The following NENF variants were observed in gnomAD, a reference collection of about 807,000 sequenced individuals.
NENF encodes the protein neudesin neurotrophic factor, also known as neudesin.
NENF carries 6 observed loss-of-function variants against 14.8 expected under a neutral mutation model. The ratio of observed to expected loss-of-function variants is 0.40; its 90% CI spans 0.22 to 0.80. NENF has a LOEUF of 0.80. NENF is among the 30% of genes least tolerant of loss of function. NENF has a pLI of 0.34. For missense variants in NENF, 184 were observed against 212.7 expected (o/e 0.87, Z 0.84); for synonymous variants, 76 against 95.1 (o/e 0.80, Z 1.17).
intron 2 of NENF, among the ~76,000 whole-genome samples, chr1:212,443,524 C>G (rs990338012): frequency 1.3e-5 from 2 of 151,978 alleles, no homozygotes; most frequent in African/African-American, 2.4e-5. Flanking sequence ...TCCTGAGTAA[C>G]TGGAATTACA....
intron 1 of NENF, among the ~76,000 whole-genome samples, chr1:212,436,123 C>T (rs1049490343): frequency 6.6e-6 from 1 of 151,928 alleles, no homozygotes; most frequent in East Asian, 1.9e-4. Context: ...ATAAGTGGAC[C>T]CATGCAGTTC....
intron 2 of NENF, 141 bp from the exon 3 acceptor site, chr1:212,444,198 A>G: frequency 2.2e-6 from 1 of 461,678 alleles, no homozygotes; most frequent in South Asian, 5.4e-5. Flanking sequence ...TGGACTTTGT[A>G]TCGCCATTGT....
intron 3 of NENF, 76 bp downstream of exon 3, chr1:212,444,518 CGTGTGTGTGTGTGTGTGTGTGTGT>C (rs57220444): frequency 7.4e-5 from 37 of 497,504 alleles, no homozygotes; most frequent in South Asian, 1.2e-4. Flanking sequence ...TTTTTCTTTT[CGTGTGTGTGTGTGTGTGTGTGTGT>C]GTGTGTGTGT....
chr1:212,444,979 G>A (rs963680735), intron 3 of NENF, among the ~76,000 whole-genome samples: 1 of 152,132 alleles, frequency 6.6e-6, no homozygotes, highest in African/African-American at 2.4e-5. Flanking sequence ...TTTAGGCCAG[G>A]AGTGGTGGAT....
chr1:212,433,094 G>A lies in NENF; in HGVS notation c.151G>A (p.Glu51Lys). 1 of 1,197,746 alleles carries A rather than the reference G, an allele frequency of 8.3e-7. No individual in the cohort carries two copies. The highest frequency in any genetic ancestry group is 1.0e-6 in the Non-Finnish European group (1 of 965,476). The allele number at this position is 1,197,746 out of a possible 1,614,324, so 74.2% of individuals were successfully genotyped here. ...GPPVRLFTEE[E>K]LARYGGEEED... ...CCCAGTGCGGCTTTTCACCGAGGAG[G>A]AGCTGGCCCGCTATGGCGGGGAGGA... Residue 51 changes from glutamate (E) to lysine (K), a missense_variant, in exon 1 of 4, where the codon GAG (glutamate) becomes AAG (lysine). By Grantham distance (56) the Glu-to-Lys change is moderately conservative. Transcript: ENST00000366988. The surrounding 1 kb of genome is among the most constrained non-coding windows in gnomAD (Gnocchi z 5.5).
chr1:212,442,944 T>A (rs756744967), intron 2 of NENF, among the ~76,000 whole-genome samples: 20 of 152,098 alleles, frequency 1.3e-4, no homozygotes, highest in Non-Finnish European at 2.8e-4. Flanking sequence ...GGTTTCACCA[T>A]CTTGGCAAGG....
intron 1 of NENF, among the ~76,000 whole-genome samples, chr1:212,437,843 G>A (rs1662633174): frequency 6.6e-6 from 1 of 152,152 alleles, no homozygotes; most frequent in Admixed American, 6.5e-5. Flanking sequence ...GTATACATTA[G>A]TCCTCTTCGA....
At position 212,446,142 on chromosome 1, in the gene NENF, C is replaced by T. The variant is rs1294949196; in HGVS notation, c.*136C>T. 1.2e-6 allele frequency: 1 copy of T among 809,364 alleles called. No homozygotes were observed. Among genetic ancestry groups the T allele is most frequent in the African/African-American group, 1.7e-5 (1 of 57,724 alleles). 50.1% of individuals were successfully genotyped at this position (809,364 alleles called of 1,614,324 possible). A position where few individuals can be genotyped will look rare whatever the true frequency, so the allele number is the denominator to read the frequency against. ...AAAACAGATGCTTACCCTGGAAGAG[C>T]AAATGCCTCCTGTTGTCCTTGGTCA... On this transcript the variant is annotated 3_prime_UTR_variant, in exon 4 of 4. Transcript: ENST00000366988.
At chr1:212,434,433 G>A (rs1488283811) in intron 1 of NENF, among the ~76,000 whole-genome samples, 1 of 152,198 alleles carries the variant, frequency 6.6e-6, no homozygotes, top group Non-Finnish European at 1.5e-5. Context: ...ATTGAACACT[G>A]TATATGCTAG....
rs1367948719 is a variant in NENF at position 212,433,286 on chromosome 1, G to A, written c.177+166G>A. Reference sequence around the variant, plus strand: ...GGCCTCCTCTCTCTAGGCCCCGAAGGATGGCCGAGGGGTGAGGACGAGTCC... The same window carrying A: ...GGCCTCCTCTCTCTAGGCCCCGAAGAATGGCCGAGGGGTGAGGACGAGTCC... On this transcript the variant is annotated intron_variant, in intron 1 of 3. Coordinates refer to ENST00000366988, the MANE Select transcript of NENF (RefSeq NM_013349.5). This position sits in a 1 kb window ranked among gnomAD's most constrained non-coding sequence, Gnocchi z 5.5. 6.6e-6 allele frequency among the ~76,000 whole-genome samples: 1 copy of A among 151,992 alleles called. No individual in the cohort carries two copies. Among genetic ancestry groups the A allele is most frequent in the Non-Finnish European group, 1.5e-5 (1 of 67,938 alleles).
intron 1 of NENF, among the ~76,000 whole-genome samples, chr1:212,439,856 T>TCC (rs1006593334): frequency 6.7e-6 from 1 of 148,586 alleles, no homozygotes; most frequent in Non-Finnish European, 1.5e-5. Flanking sequence ...CTAGACTCCG[T>TCC]CCCCCCCCCA....
chr1:212,435,424 C>G (rs1274469550), intron 1 of NENF, among the ~76,000 whole-genome samples: 2 of 152,052 alleles, frequency 1.3e-5, no homozygotes, highest in African/African-American at 4.8e-5. Context: ...TCATGGTGCA[C>G]TAGAGCCTGG....
At chr1:212,436,781 T>A (rs1186076212) in intron 1 of NENF, among the ~76,000 whole-genome samples, 2 of 152,082 alleles carry the variant, frequency 1.3e-5, no homozygotes, top group Non-Finnish European at 2.9e-5. Context: ...TCACAATGGT[T>A]ATAATAAGAG....
intron 3 of NENF, 63 bp from the exon 4 acceptor site, chr1:212,445,767 G>T: frequency 1.3e-6 from 2 of 1,553,908 alleles, no homozygotes; most frequent in Non-Finnish European, 1.8e-6. Context: ...ATGGAGAAAG[G>T]CCAGTGCCAA....
In NENF at chr1:212,433,736, A is replaced by G. The variant is rs375612120; in HGVS notation, c.177+616A>G. On this transcript the variant is annotated intron_variant, in intron 1 of 3. Coordinates refer to ENST00000366988, the MANE Select transcript of NENF (RefSeq NM_013349.5). This position sits in a 1 kb window ranked among gnomAD's most constrained non-coding sequence, Gnocchi z 5.5. ...CCCACAACCCCCCCGCCACACGTCAATAGAGACCCCCCCGCCCACACACAC... is the reference window on the plus strand; with the variant it reads ...CCCACAACCCCCCCGCCACACGTCAGTAGAGACCCCCCCGCCCACACACAC... Among the ~76,000 whole-genome samples the G allele has an allele frequency of 2.7e-4, 41 of 151,484 alleles. No homozygotes were observed. Among genetic ancestry groups the G allele is most frequent in the African/African-American group, 9.4e-4 (39 of 41,364 alleles).
chr1:212,437,056 T>C (rs897649015), intron 1 of NENF, among the ~76,000 whole-genome samples: 1 of 152,120 alleles, frequency 6.6e-6, no homozygotes, highest in Non-Finnish European at 1.5e-5. Context: ...TCTTAATAAA[T>C]GTTAGCTACT....
chr1:212,438,226 C>A (rs937734932), intron 1 of NENF, among the ~76,000 whole-genome samples: 3 of 152,202 alleles, frequency 2.0e-5, no homozygotes, highest in Admixed American at 6.5e-5. Context: ...CAAAATTGCC[C>A]TGATAGGTAG....
chr1:212,433,015 G>A lies in NENF; in HGVS notation c.72G>A (p.Pro24=). The stretch of plus-strand genomic sequence containing the variant: ...TGGCCCTGGTCCTGGCGCTGGCCCC[G>A]GGGCTGCCCACAGCCCGGGCCGGGC... ...AALALVLALA[P]GLPTARAGQT... Residue 24 remains proline, a synonymous_variant, in exon 1 of 4, where the codon CCG becomes CCA. Transcript: ENST00000366988. The surrounding 1 kb of genome is among the most constrained non-coding windows in gnomAD (Gnocchi z 5.5). 1 of 1,170,426 alleles carries A rather than the reference G, an allele frequency of 8.5e-7. No individual in the cohort carries two copies. Among genetic ancestry groups the A allele is most frequent in the Non-Finnish European group, 1.1e-6 (1 of 948,196 alleles). 72.5% of individuals were successfully genotyped at this position (1,170,426 alleles called of 1,614,324 possible).
intron 1 of NENF, among the ~76,000 whole-genome samples, chr1:212,434,522 G>GT (rs1662573903): frequency 6.6e-6 from 1 of 152,226 alleles, no homozygotes; most frequent in African/African-American, 2.4e-5. Flanking sequence ...GCAGAGGAAT[G>GT]TTCTGCCAGA....
Sources: gnomAD v4.1 joint callset for allele counts (sites outside exome capture counted in the v4.1 genomes callset) on GRCh38, gnomAD v4.1.1 for gene constraint, Gnocchi (gnomAD v3.1) non-coding constraint, MANE v1.5 for transcripts, NCBI Gene and HGNC (gene_info 2026-07-23, HGNC 2026-07-21) for gene names.